SPATS2L: variants seen among roughly 807,000 people sequenced by gnomAD.
SPATS2L encodes the protein SPATS2-like protein.
A neutral mutation model predicts 59.6 loss-of-function variants in SPATS2L; 30 were observed. That is an observed-to-expected ratio of 0.50 (90% confidence interval 0.38 to 0.68). The LOEUF (loss-of-function observed/expected upper bound fraction) is 0.68, where lower values mean the gene tolerates loss of function less well. Among genes scored for constraint, SPATS2L ranks in the 30% least tolerant of loss-of-function variants. The pLI is 0.00. For synonymous variants in SPATS2L, 252 were observed against 263.5 expected, an observed-to-expected ratio of 0.96 and a Z score of 0.42; for missense variants, 615 against 700.0, an observed-to-expected ratio of 0.88 and a Z score of 1.37.
intron 6 of SPATS2L, among the ~76,000 whole-genome samples, chr2:200,423,912 TA>T (rs2083415580): frequency 6.6e-6 from 1 of 152,228 alleles, no homozygotes; most frequent in Admixed American, 6.5e-5. Context: ...AAGTTAGCTT[TA>T]AGATATATGC....
At chr2:200,459,624 G>A (rs1414504401) in intron 8 of SPATS2L, 145 bp from the exon 9 acceptor site, 3 of 648,702 alleles carry the variant, frequency 4.6e-6, no homozygotes, top group South Asian at 2.1e-5. Context: ...GAGAGGCAGA[G>A]TGTACTGCTG....
At chr2:200,332,248 CTT>C (rs1173579207) in intron 2 of SPATS2L, among the ~76,000 whole-genome samples, 2 of 142,500 alleles carry the variant, frequency 1.4e-5, no homozygotes, top group Non-Finnish European at 1.5e-5. Context: ...AATCTTCAAG[CTT>C]TTTTTTTTTA....
At chr2:200,321,255 C>T (rs766485911) in intron 1 of SPATS2L, among the ~76,000 whole-genome samples, 7 of 152,056 alleles carry the variant, frequency 4.6e-5, no homozygotes, top group South Asian at 2.1e-4. Flanking sequence ...CGGTAAAGAG[C>T]TTTGGAATCA....
At chr2:200,407,639 A>G (rs2082733211) in intron 3 of SPATS2L, among the ~76,000 whole-genome samples, 1 of 152,242 alleles carries the variant, frequency 6.6e-6, no homozygotes, top group South Asian at 2.1e-4. Flanking sequence ...TCCACAAAAT[A>G]CCATGAGTAC....
intron 2 of SPATS2L, among the ~76,000 whole-genome samples, chr2:200,351,534 A>G (rs548255205): frequency 6.6e-6 from 1 of 152,324 alleles, no homozygotes; most frequent in East Asian, 1.9e-4. Flanking sequence ...CACCTGATGT[A>G]TTTTGGTTAA....
chr2:200,339,839 A>G (rs1274814243), intron 2 of SPATS2L, among the ~76,000 whole-genome samples: 1 of 152,204 alleles, frequency 6.6e-6, no homozygotes, highest in African/African-American at 2.4e-5. Flanking sequence ...CGTTTGTGGC[A>G]TGAAGAACTT....
intron 6 of SPATS2L, among the ~76,000 whole-genome samples, chr2:200,435,383 A>G (rs1327804185): frequency 6.6e-6 from 1 of 152,156 alleles, no homozygotes. Flanking sequence ...AATGTATACA[A>G]TTTTTATTGA....
chr2:200,317,174 A>G (rs942261058), intron 1 of SPATS2L, among the ~76,000 whole-genome samples: 1 of 152,008 alleles, frequency 6.6e-6, no homozygotes, highest in Non-Finnish European at 1.5e-5. Context: ...CGTTATAAAA[A>G]CTCTATTTAG....
intron 8 of SPATS2L, among the ~76,000 whole-genome samples, chr2:200,449,239 G>A (rs903253588): frequency 1.3e-5 from 2 of 152,196 alleles, no homozygotes; most frequent in African/African-American, 2.4e-5. Flanking sequence ...GAATGAATCA[G>A]TTGACATGAA....
intron 11 of SPATS2L, 77 bp from the exon 12 acceptor site, chr2:200,472,755 C>A: frequency 7.8e-7 from 1 of 1,284,684 alleles, no homozygotes; most frequent in Non-Finnish European, 1.1e-6. Flanking sequence ...TCTTCATCTT[C>A]TAGCGCTTCC....
intron 1 of SPATS2L, among the ~76,000 whole-genome samples, chr2:200,317,508 T>A (rs1383894416): frequency 6.6e-6 from 1 of 152,166 alleles, no homozygotes; most frequent in Non-Finnish European, 1.5e-5. Flanking sequence ...TTTATAGACC[T>A]TTCCCTGAGA....
chr2:200,417,275 A>G (rs1429833024), intron 5 of SPATS2L, among the ~76,000 whole-genome samples: 2 of 152,084 alleles, frequency 1.3e-5, no homozygotes, highest in Non-Finnish European at 2.9e-5. Context: ...ATAAAACCCG[A>G]AGATTACTGA....
chr2:200,455,960 CCTT>C (rs1419599626), intron 8 of SPATS2L, among the ~76,000 whole-genome samples: 2 of 152,174 alleles, frequency 1.3e-5, no homozygotes, highest in South Asian at 2.1e-4. Context: ...TCCTCTCTGA[CCTT>C]CTTTTAGTCT....
chr2:200,418,973 T>C (rs1321613307), intron 5 of SPATS2L, among the ~76,000 whole-genome samples: 1 of 152,212 alleles, frequency 6.6e-6, no homozygotes, highest in African/African-American at 2.4e-5. Flanking sequence ...TCAAATAATA[T>C]GTCAGCTATT....
At chr2:200,404,798 TC>T (rs1268628975) in intron 3 of SPATS2L, among the ~76,000 whole-genome samples, 20 of 152,298 alleles carry the variant, frequency 1.3e-4, no homozygotes, top group South Asian at 2.1e-4. Context: ...AGAATACTCT[TC>T]CTTGCATTTT....
At chr2:200,431,141 A>G (rs2083906308) in intron 6 of SPATS2L, among the ~76,000 whole-genome samples, 1 of 152,232 alleles carries the variant, frequency 6.6e-6, no homozygotes, top group African/African-American at 2.4e-5. Flanking sequence ...TTCAAAGGGT[A>G]TGAATAGTTT....
chr2:200,348,021 C>T (rs949246146), intron 2 of SPATS2L, among the ~76,000 whole-genome samples: 2 of 152,160 alleles, frequency 1.3e-5, no homozygotes, highest in Non-Finnish European at 2.9e-5. Flanking sequence ...TTTTTCAAAT[C>T]ACAGCAATTG....
At chr2:200,337,168 T>C (rs2105810565) in intron 2 of SPATS2L, among the ~76,000 whole-genome samples, 1 of 152,364 alleles carries the variant, frequency 6.6e-6, no homozygotes, top group Admixed American at 6.5e-5. Context: ...TATGAAATGT[T>C]AAACTTCTAT....
At chr2:200,432,762 A>G (rs1273756211) in intron 6 of SPATS2L, among the ~76,000 whole-genome samples, 1 of 152,228 alleles carries the variant, frequency 6.6e-6, no homozygotes, top group Non-Finnish European at 1.5e-5. Context: ...AAGAAGATGG[A>G]TATATAATGG....
Sources: allele counts gnomAD v4.1 joint callset (sites outside exome capture counted in the v4.1 genomes callset), GRCh38; gene constraint gnomAD v4.1.1; transcripts MANE v1.5; gene names NCBI Gene and HGNC (gene_info 2026-07-23, HGNC 2026-07-21).